CAMSAP3: variants seen among roughly 807,000 people sequenced by gnomAD.
The protein encoded by CAMSAP3 is calmodulin-regulated spectrin-associated protein 3.
CAMSAP3 carries 34 observed loss-of-function variants against 112.5 expected under a neutral mutation model. The ratio of observed to expected loss-of-function variants is 0.30; its 90% CI spans 0.23 to 0.40. The LOEUF (loss-of-function observed/expected upper bound fraction) is 0.40. CAMSAP3 is among the 10% of genes least tolerant of loss of function. The probability of loss-of-function intolerance (pLI) is 1.00; values close to 1 mark genes in which losing one functional copy is unlikely to be tolerated. For missense variants in CAMSAP3, 1,602 were observed against 1,770.3 expected, an observed-to-expected ratio of 0.90 and a Z score of 1.71; for synonymous variants, 868 against 799.8, an observed-to-expected ratio of 1.09 and a Z score of -1.44.
rs1286407847 is a variant in CAMSAP3, at chr19:7,615,635, C to T, written c.3028C>T (p.Arg1010Trp). ...GGCTGCGGGGTCCGGGGGTCCAGGT[C>T]GGGGCGGGCGGAGGGCCACCCGGCC... is the stretch of plus-strand genomic sequence containing the variant. ...PRAAGSGGPG[R>W]GGRRATRPRS... Residue 1010 changes from arginine to tryptophan, a missense_variant, in exon 13 of 17, where the codon CGG becomes TGG. Transcript: ENST00000160298. This position sits in a 1 kb window ranked among gnomAD's most constrained non-coding sequence, Gnocchi z 6.5. 6 of 1,432,472 alleles carry T rather than the reference C, an allele frequency of 4.2e-6. No homozygotes were observed. Among genetic ancestry groups the T allele is most frequent in the Non-Finnish European group, 3.6e-6 (4 of 1,097,182 alleles). 88.7% of individuals were successfully genotyped at this position (1,432,472 alleles called of 1,614,324 possible).
At chr19:7,599,083 A>T (rs1260339817) in intron 1 of CAMSAP3, among the ~76,000 whole-genome samples, 1 of 151,728 alleles carries the variant, frequency 6.6e-6, no homozygotes, top group Non-Finnish European at 1.5e-5. Flanking sequence ...AGGCAGGAGG[A>T]TTGCCTGAGC....
In CAMSAP3 at chr19:7,605,409, G is replaced by A. The variant is rs2030160986; in HGVS notation, c.332G>A (p.Arg111Lys). 9.3e-6 allele frequency: 14 copies of A among 1,512,802 alleles called. No individual in the cohort carries two copies. Among genetic ancestry groups the A allele is most frequent in the Non-Finnish European group, 1.2e-5 (14 of 1,126,054 alleles). The allele number at this position is 1,512,802 out of a possible 1,614,324, so 93.7% of individuals were successfully genotyped here. A position where few individuals can be genotyped will look rare whatever the true frequency, so the allele number is the denominator to read the frequency against. ...GCACTGCTGGCCCTGCTGGCGCGGA[G>A]GGGCACAGTGCCTGCTTTGCCCGAG... is the stretch of plus-strand genomic sequence containing the variant. ...PSALLALLAR[R>K]GTVPALPERP... is the part of the protein sequence containing the mutation. Residue 111 changes from arginine (R) to lysine (K), a missense_variant, in exon 2 of 17, where the codon AGG (arginine) becomes AAG (lysine). Transcript: ENST00000160298.
intron 4 of CAMSAP3, 120 bp from the exon 5 acceptor site, chr19:7,608,006 T>C: frequency 7.8e-7 from 1 of 1,278,432 alleles, no homozygotes; most frequent in Non-Finnish European, 1.1e-6. Context: ...ACTCTGTCTC[T>C]GGGACCCCCA....
intron 13 of CAMSAP3, among the ~76,000 whole-genome samples, chr19:7,616,248 G>A (rs62113429): frequency 0.1 from 15,850 of 152,004 alleles, 960 homozygotes; most frequent in Non-Finnish European, 0.14. Flanking sequence ...AGTGGGATGA[G>A]GGGTCTTTCT....
Position 7,618,149 on chromosome 19 carries a change from C to T in CAMSAP3, c.*92C>T. The stretch of plus-strand genomic sequence containing the variant: ...GTCGGTATTCCTGGGTCCTGTCTGT[C>T]CCCAACCGTGTCTGGGTGGGGCTGG... On this transcript the variant is annotated 3_prime_UTR_variant, in exon 17 of 17. Coordinates refer to ENST00000160298, the MANE Select transcript of CAMSAP3 (RefSeq NM_020902.2). The T allele has an allele frequency of 7.1e-7, 1 of 1,400,080 alleles. No homozygotes were observed. The highest frequency in any genetic ancestry group is 2.1e-5 in the Admixed American group (1 of 48,298). 86.7% of individuals were successfully genotyped at this position (1,400,080 alleles called of 1,614,324 possible).
At chr19:7,604,522 G>T (rs1314142523) in intron 1 of CAMSAP3, among the ~76,000 whole-genome samples, 3 of 151,928 alleles carry the variant, frequency 2.0e-5, no homozygotes, top group Non-Finnish European at 4.4e-5. Flanking sequence ...CAAGGTCCTG[G>T]CTACCTCCCT....
chr19:7,615,229 T>C lies in CAMSAP3; in HGVS notation c.2717T>C (p.Leu906Pro). Residue 906 changes from leucine to proline, a missense_variant, in exon 12 of 17, where the codon CTG becomes CCG. This residue lies in a region of CAMSAP3 where 1,100 missense variants were observed against 1,135.7 expected (regional missense o/e 0.97). Coordinates refer to ENST00000160298, the MANE Select transcript of CAMSAP3 (RefSeq NM_020902.2). This position sits in a 1 kb window ranked among gnomAD's most constrained non-coding sequence, Gnocchi z 6.5. ...EDEMAQKRASLLERQQRRAEE... is the reference protein window; with the variant it reads ...EDEMAQKRASPLERQQRRAEE... ...GAGATGGCCCAAAAGCGGGCCAGCCTGCTGGAGCGGCAGCAGCGGCGAGCA... is the reference window on the plus strand; with the variant it reads ...GAGATGGCCCAAAAGCGGGCCAGCCCGCTGGAGCGGCAGCAGCGGCGAGCA... The C allele has an allele frequency of 1.9e-6, 3 of 1,552,504 alleles. No individual in the cohort carries two copies. The highest frequency in any genetic ancestry group is 1.7e-6 in the Non-Finnish European group (2 of 1,148,096).
At position 7,611,576 on chromosome 19, in the gene CAMSAP3, C is replaced by G; in HGVS notation, c.1183C>G (p.Arg395Gly). The G allele has an allele frequency of 1.2e-6, 2 of 1,612,366 alleles. No individual in the cohort carries two copies. The highest frequency in any genetic ancestry group is 1.7e-6 in the Non-Finnish European group (2 of 1,179,714). ...GGAGGCCCTGGGCAAGGCCTGGAAC[C>G]GGCAGCTCAGGTGAGTAGACCTCAC... Reference protein sequence around the residue: ...HMEALGKAWNRQLSRPLSQAV... With the variant: ...HMEALGKAWNGQLSRPLSQAV... Residue 395 changes from arginine (R) to glycine (G), a missense_variant, in exon 10 of 17, where the codon CGG becomes GGG. By Grantham distance (125) the Arg-to-Gly change is moderately radical. Transcript: ENST00000160298. This position sits in a 1 kb window ranked among gnomAD's most constrained non-coding sequence, Gnocchi z 6.9.
At chr19:7,614,337 T>G (rs759929936) in intron 11 of CAMSAP3, among the ~76,000 whole-genome samples, 2 of 91,414 alleles carry the variant, frequency 2.2e-5, no homozygotes, top group Admixed American at 1.3e-4. Context: ...TTTTTTTTTG[T>G]TTTGTTTTCT....
rs1383262046 is a variant in CAMSAP3 at position 7,612,992 on chromosome 19, C to G, written c.2499C>G (p.Pro833=). 1 of 1,580,662 alleles carries G rather than the reference C, an allele frequency of 6.3e-7. No individual in the cohort carries two copies. Among genetic ancestry groups the G allele is most frequent in the Admixed American group, 1.8e-5 (1 of 56,786 alleles). Residue 833 remains proline (P), a synonymous_variant, in exon 11 of 17, where the codon CCC becomes CCG. Coordinates refer to ENST00000160298, the MANE Select transcript of CAMSAP3 (RefSeq NM_020902.2). ...CCATCCTCCTGGCGGAGGAGACGCC[C>G]CCCGAGGAGCCAGCCGCCCGGCCGG... The part of the protein sequence containing the change: ...RSSILLAEET[P]PEEPAARPGL...
intron 5 of CAMSAP3, among the ~76,000 whole-genome samples, chr19:7,609,918 G>C (rs1352551911): frequency 6.6e-6 from 1 of 152,130 alleles, no homozygotes; most frequent in African/African-American, 2.4e-5. Context: ...CAAGTGACGG[G>C]GAGCGGCTGT....
chr19:7,602,778 G>A (rs995500194), intron 1 of CAMSAP3, among the ~76,000 whole-genome samples: 13 of 152,048 alleles, frequency 8.5e-5, no homozygotes, highest in African/African-American at 2.4e-4. Flanking sequence ...ACAAGGAGAC[G>A]CCTGTGGGAG....
intron 13 of CAMSAP3, among the ~76,000 whole-genome samples, chr19:7,616,002 C>T (rs1467653793): frequency 1.3e-5 from 2 of 151,946 alleles, no homozygotes; most frequent in Admixed American, 1.3e-4. Context: ...CCAGCCTGGC[C>T]AACATGGTGA....
intron 14 of CAMSAP3, among the ~76,000 whole-genome samples, chr19:7,616,934 C>CTTTTTTTTTTT (rs545769780): frequency 0.016 from 1,323 of 83,026 alleles, 6 homozygotes; most frequent in East Asian, 0.028. Context: ...TGTGGCCCGC[C>CTTTTTTTTTTT]TTTTTTTTTT....
chr19:7,612,810 G>C lies in CAMSAP3; in HGVS notation c.2317G>C (p.Gly773Arg), dbSNP rs1347934597. ...GGCCACCCGGCGCAGCCCTGGGCCC[G>C]GGCCCAGCCAGTCACCCCGCAGCCC... ...VPATRRSPGP[G>R]PSQSPRSPKH... The change falls in exon 11 of 17, where the codon GGG becomes CGG. Residue 773 changes from glycine (G) to arginine (R), a missense_variant. Gly to Arg is a moderately radical substitution (Grantham distance 125). Coordinates refer to ENST00000160298, the MANE Select transcript of CAMSAP3 (RefSeq NM_020902.2). The C allele has an allele frequency of 6.5e-7, 1 of 1,546,710 alleles. No individual in the cohort carries two copies. The highest frequency in any genetic ancestry group is 1.2e-5 in the South Asian group (1 of 83,966).
Position 7,617,237 on chromosome 19 carries a change from C to A in CAMSAP3, c.3213-89C>A. The A allele has an allele frequency of 1.1e-6, 1 of 918,390 alleles. No homozygotes were observed. Among genetic ancestry groups the A allele is most frequent in the Non-Finnish European group, 1.8e-6 (1 of 556,098 alleles). The allele number at this position is 918,390 out of a possible 1,614,324, so 56.9% of individuals were successfully genotyped here. A position where few individuals can be genotyped will look rare whatever the true frequency, so the allele number is the denominator to read the frequency against. On this transcript the variant is annotated intron_variant, in intron 14 of 16. Transcript: ENST00000160298. This position sits in a 1 kb window ranked among gnomAD's most constrained non-coding sequence, Gnocchi z 7.5. Reference sequence around the variant, plus strand: ...CAGCCGTGGCCCTTATTTTCCTTGGCCCCTCTGCACATAGGGAAGCTTCCC... The same window carrying A: ...CAGCCGTGGCCCTTATTTTCCTTGGACCCTCTGCACATAGGGAAGCTTCCC...
At chr19:7,597,103 G>A (rs2146149380) in intron 1 of CAMSAP3, among the ~76,000 whole-genome samples, 1 of 152,324 alleles carries the variant, frequency 6.6e-6, no homozygotes, top group African/African-American at 2.4e-5. Flanking sequence ...GCGGGGAGCT[G>A]TGGGGGTACA....
Position 7,611,253 on chromosome 19 carries a change from A to G in CAMSAP3, c.1123+85A>G. On this transcript the variant is annotated intron_variant, in intron 9 of 16. Transcript: ENST00000160298. The surrounding 1 kb of genome is among the most constrained non-coding windows in gnomAD (Gnocchi z 6.9). ...GTGGGCCTCATGTTGTCTCCTCGTG[A>G]GCCTTCCAATAGCCTCTCCATCAGA... 7.3e-7 allele frequency: 1 copy of G among 1,373,128 alleles called. No homozygotes were observed. Among genetic ancestry groups the G allele is most frequent in the Non-Finnish European group, 1.0e-6 (1 of 971,466 alleles). 85.1% of individuals were successfully genotyped at this position (1,373,128 alleles called of 1,614,324 possible). A position where few individuals can be genotyped will look rare whatever the true frequency, so the allele number is the denominator to read the frequency against.
At position 7,615,739 on chromosome 19, in the gene CAMSAP3, G is replaced by C. The variant is rs961906198; in HGVS notation, c.3112+20G>C. On this transcript the variant is annotated intron_variant, in intron 13 of 16. Coordinates refer to ENST00000160298, the MANE Select transcript of CAMSAP3 (RefSeq NM_020902.2). The surrounding 1 kb of genome is among the most constrained non-coding windows in gnomAD (Gnocchi z 6.5). ...TGCTGGGTGAGGACCCTTGGGGGAC[G>C]GGGCCTGCCCAGTGCCCTTTCCGGG... 1 of 1,387,636 alleles carries C rather than the reference G, an allele frequency of 7.2e-7. No individual in the cohort carries two copies. Among genetic ancestry groups the C allele is most frequent in the Admixed American group, 3.4e-5 (1 of 29,038 alleles). 86.0% of individuals were successfully genotyped at this position (1,387,636 alleles called of 1,614,324 possible). A position where few individuals can be genotyped will look rare whatever the true frequency, so the allele number is the denominator to read the frequency against.
Sources: allele counts gnomAD v4.1 joint callset (sites outside exome capture counted in the v4.1 genomes callset), GRCh38; gene constraint gnomAD v4.1.1; regional missense constraint gnomAD v4.1.1; non-coding constraint Gnocchi (gnomAD v3.1); transcripts MANE v1.5; gene names NCBI Gene and HGNC (gene_info 2026-07-23, HGNC 2026-07-21).